MAMSTR: variants seen among roughly 807,000 people sequenced by gnomAD.
The protein encoded by MAMSTR is MEF2-activating motif and SAP domain-containing transcriptional regulator.
MAMSTR carries 41 observed loss-of-function variants against 42.7 expected under a neutral mutation model. The ratio of observed to expected loss-of-function variants is 0.96; its 90% confidence interval spans 0.75 to 1.25. The LOEUF is 1.25. Among genes scored for constraint, MAMSTR ranks in the 50% most tolerant of loss-of-function variants. The pLI, the probability that MAMSTR is intolerant of heterozygous loss-of-function variation, is 0.00. For missense variants in MAMSTR, 567 were observed against 557.6 expected, an observed-to-expected ratio of 1.02 and a Z score of -0.17; for synonymous variants, 265 against 244.1, an observed-to-expected ratio of 1.09 and a Z score of -0.80.
rs1040993619 is a variant in MAMSTR, at chr19:48,715,365, G to A, written c.322C>T (p.Pro108Ser). The change falls in exon 5 of 10, where the codon CCG (proline) becomes TCG (serine). Residue 108 changes from proline to serine, a missense_variant. By Grantham distance (74) the Pro-to-Ser change is moderately conservative. Transcript: ENST00000318083. ...GGGTCCGCCCTGGATCCCTGTCTCG[G>A]CTCTGGGGGCATGTACTGGTGGTAT... is the stretch of plus-strand genomic sequence containing the variant. ...LTYHQYMPPE[P>S]RQGSRADPQA... 4.5e-6 allele frequency: 7 copies of A among 1,541,964 alleles called. No homozygotes were observed. Among genetic ancestry groups the A allele is most frequent in the East Asian group, 2.3e-5 (1 of 42,972 alleles).
chr19:48,712,006 T>C (rs2032738193), downstream of MAMSTR, among the ~76,000 whole-genome samples: 3 of 152,140 alleles, frequency 2.0e-5, no homozygotes, highest in African/African-American at 7.2e-5. Context: ...TCCGCCCACC[T>C]TGGCCTCCCA....
At chr19:48,706,249 T>C in the MAMSTR span, among the ~76,000 whole-genome samples, 1 of 147,196 alleles carries the variant, frequency 6.8e-6, no homozygotes, top group Non-Finnish European at 1.5e-5. Flanking sequence ...ATCACACCAT[T>C]GCACTCTAGC....
downstream of MAMSTR, among the ~76,000 whole-genome samples, chr19:48,707,887 GAAAAGAAAGA>G (rs2032674754): frequency 1.3e-5 from 1 of 75,282 alleles, no homozygotes; most frequent in South Asian, 3.8e-4. Context: ...AAGAAAGAAA[GAAAAGAAAGA>G]AAGAAAGGAA....
chr19:48,719,058 C>A lies in MAMSTR; in HGVS notation c.-21-6G>T. ...GCCAAGGCCGGGATGGGGACCTGGA[C>A]GGAGAGGGGGCAGGGCAGGGGCCCC... On this transcript the variant is annotated splice_region_variant and splice_polypyrimidine_tract_variant and intron_variant, in intron 1 of 9. Coordinates refer to ENST00000318083, the MANE Select transcript of MAMSTR (RefSeq NM_001130915.2). The surrounding 1 kb of genome is among the most constrained non-coding windows in gnomAD (Gnocchi z 4.4). 1 of 1,549,434 alleles carries A rather than the reference C, an allele frequency of 6.5e-7. No individual in the cohort carries two copies. The highest frequency in any genetic ancestry group is 1.2e-5 in the South Asian group (1 of 84,022).
At position 48,714,045 on chromosome 19, in the gene MAMSTR, C is replaced by G. The variant is rs2032860849; in HGVS notation, c.724G>C (p.Val242Leu). 2 of 1,576,426 alleles carry G rather than the reference C, an allele frequency of 1.3e-6. No homozygotes were observed. Among genetic ancestry groups the G allele is most frequent in the Non-Finnish European group, 1.7e-6 (2 of 1,161,882 alleles). The change falls in exon 8 of 10, where the codon GTC becomes CTC. Residue 242 changes from valine to leucine, a missense_variant and splice_region_variant. Val to Leu is a conservative substitution (Grantham distance 32, BLOSUM62 1). Transcript: ENST00000318083. ...CTGTGAGATGCTGCGCTGGGCTTGACCTAGAGCAGCCAAGAGGGCGAGCGC... is the reference window on the plus strand; with the variant it reads ...CTGTGAGATGCTGCGCTGGGCTTGAGCTAGAGCAGCCAAGAGGGCGAGCGC... ...ALAAARRQGS[V>L]KPSAASHRPP...
Position 48,715,663 on chromosome 19 carries a change from C to G in MAMSTR, c.202G>C (p.Glu68Gln). The change falls in exon 4 of 10, where the codon GAG becomes CAG. Residue 68 changes from glutamate (E) to glutamine (Q), a missense_variant. Coordinates refer to ENST00000318083, the MANE Select transcript of MAMSTR (RefSeq NM_001130915.2). Reference protein sequence around the residue: ...FLFSPGVLLPEPEYCPPWRSP... With the variant: ...FLFSPGVLLPQPEYCPPWRSP... ...CTCCAAGGAGGACAATATTCTGGCT[C>G]GGGGAGCAGGACCCCAGGGCTGAAG... The G allele has an allele frequency of 6.5e-7, 1 of 1,543,560 alleles. No homozygotes were observed. Among genetic ancestry groups the G allele is most frequent in the Non-Finnish European group, 8.7e-7 (1 of 1,144,972 alleles).
downstream of MAMSTR, among the ~76,000 whole-genome samples, chr19:48,712,443 T>C (rs1041350248): frequency 6.6e-6 from 1 of 150,556 alleles, no homozygotes; most frequent in Admixed American, 6.6e-5. Flanking sequence ...TTTTTTAAGA[T>C]GGAGTTTAGC....
In MAMSTR at chr19:48,713,091, T is replaced by G. The variant is rs1400395315; in HGVS notation, c.*176A>C. ...GGAGGGGGATCATAAGGAGGCCAGG[T>G]AGGCAAAGTTAAGGCAGTTGCATGT... On this transcript the variant is annotated 3_prime_UTR_variant, in exon 10 of 10. Coordinates refer to ENST00000318083, the MANE Select transcript of MAMSTR (RefSeq NM_001130915.2). 6 of 578,920 alleles carry G rather than the reference T, an allele frequency of 1.0e-5. No homozygotes were observed. The highest frequency in any genetic ancestry group is 1.7e-5 in the Non-Finnish European group (6 of 347,838). The allele number at this position is 578,920 out of a possible 1,614,324, so 35.9% of individuals were successfully genotyped here. A position where few individuals can be genotyped will look rare whatever the true frequency, so the allele number is the denominator to read the frequency against.
chr19:48,717,405 C>T (rs2033085612), intron 2 of MAMSTR, among the ~76,000 whole-genome samples: 1 of 151,644 alleles, frequency 6.6e-6, no homozygotes, highest in Non-Finnish European at 1.5e-5. Context: ...GCCTTGAACT[C>T]CTGGGCTCAA....
chr19:48,714,168 C>T, intron 7 of MAMSTR, 123 bp from the exon 8 acceptor site: 1 of 1,155,148 alleles, frequency 8.7e-7, no homozygotes, highest in Non-Finnish European at 1.2e-6. Context: ...ACCCCTTTGG[C>T]CTCGCCCCCT....
rs281386 is a variant in MAMSTR at position 48,714,048 on chromosome 19, A to G, written c.724-3T>C. On this transcript the variant is annotated splice_region_variant and splice_polypyrimidine_tract_variant and intron_variant, in intron 7 of 9. Transcript: ENST00000318083. ...TGAGATGCTGCGCTGGGCTTGACCT[A>G]GAGCAGCCAAGAGGGCGAGCGCCCA... is the stretch of plus-strand genomic sequence containing the variant. 0.37 allele frequency: 575,889 copies of G among 1,572,016 alleles called. 112,440 individuals are homozygous for G. The highest frequency in any genetic ancestry group is 0.84 in the East Asian group (37,243 of 44,442).
chr19:48,709,904 C>T (rs146557711), downstream of MAMSTR, among the ~76,000 whole-genome samples: 294 of 151,958 alleles, frequency 1.9e-3, 3 homozygotes, highest in East Asian at 0.014. Flanking sequence ...GAGTCTCACT[C>T]TTTCGCCCAG....
At chr19:48,714,153 C>T in intron 7 of MAMSTR, 108 bp from the exon 8 acceptor site, 2 of 1,264,330 alleles carry the variant, frequency 1.6e-6, no homozygotes, top group East Asian at 2.6e-5. Context: ...ACCCCTCGCT[C>T]ATCAACCCCT....
At chr19:48,706,306 T>G in the MAMSTR span, among the ~76,000 whole-genome samples, 1 of 117,866 alleles carries the variant, frequency 8.5e-6, no homozygotes, top group Admixed American at 8.4e-5. Context: ...AAAAAAATTC[T>G]TAAGAGTAGA....
Position 48,713,425 on chromosome 19 carries a change from GGGA to G in MAMSTR, c.1087_1089del (p.Ser363del). On this transcript the variant is annotated inframe_deletion, in exon 10 of 10. Coordinates refer to ENST00000318083, the MANE Select transcript of MAMSTR (RefSeq NM_001130915.2). Reference sequence around the variant, plus strand: ...GAGTCCGTGGGGTCCCTGGGAGAAGGGGAGGAGGAGTTCGTGGGAGACGGGAGT... The same window carrying G: ...GAGTCCGTGGGGTCCCTGGGAGAAGGGGAGGAGTTCGTGGGAGACGGGAGT... 6.2e-7 allele frequency: 1 copy of G among 1,613,370 alleles called. No individual in the cohort carries two copies. The highest frequency in any genetic ancestry group is 2.2e-5 in the East Asian group (1 of 44,868).
At chr19:48,710,394 C>T (rs576402788), downstream of MAMSTR, among the ~76,000 whole-genome samples, 7 of 145,786 alleles carry the variant, frequency 4.8e-5, no homozygotes, top group South Asian at 1.3e-3. Flanking sequence ...GGATTACAGG[C>T]GTGAATCACT....
At chr19:48,709,116 C>T (rs1314566308), downstream of MAMSTR, among the ~76,000 whole-genome samples, 1 of 152,046 alleles carries the variant, frequency 6.6e-6, no homozygotes, top group Non-Finnish European at 1.5e-5. Flanking sequence ...ATAGTGAAAC[C>T]CTGTCTCTAT....
At chr19:48,710,362 G>A (rs148225455), downstream of MAMSTR, among the ~76,000 whole-genome samples, 1,283 of 147,546 alleles carry the variant, frequency 8.7e-3, 12 homozygotes, top group African/African-American at 0.019. Context: ...TGATCCACCC[G>A]CCTCGGCCTC....
At chr19:48,707,687 A>G in the MAMSTR span, among the ~76,000 whole-genome samples, 1 of 150,826 alleles carries the variant, frequency 6.6e-6, no homozygotes, top group South Asian at 2.1e-4. Context: ...TTTGCAATGA[A>G]CTGACATATC....
Sources: allele counts gnomAD v4.1 joint callset (sites outside exome capture counted in the v4.1 genomes callset), GRCh38; gene constraint gnomAD v4.1.1; non-coding constraint Gnocchi (gnomAD v3.1); transcripts MANE v1.5; gene names NCBI Gene and HGNC (gene_info 2026-07-23, HGNC 2026-07-21).